Variants in MTHFSD observed in about 807,000 individuals in gnomAD.
The protein encoded by MTHFSD is methenyltetrahydrofolate synthetase domain containing.
MTHFSD carries 37 observed loss-of-function variants against 31.1 expected under a neutral mutation model. The ratio of observed to expected loss-of-function variants is 1.19; its 90% CI spans 0.91 to 1.56. The LOEUF (loss-of-function observed/expected upper bound fraction) is 1.56. MTHFSD is among the 40% of genes most tolerant of loss of function. MTHFSD has a pLI of 0.00. For synonymous variants in MTHFSD, 221 were observed against 206.9 expected, an observed-to-expected ratio of 1.07 and a Z score of -0.59; for missense variants, 664 against 510.1, an observed-to-expected ratio of 1.30 and a Z score of -2.91.
chr16:86,546,516 G>A, intron 5 of MTHFSD, 43 bp downstream of exon 5: 1 of 1,565,502 alleles, frequency 6.4e-7, no homozygotes, highest in Non-Finnish European at 8.8e-7. Context: ...GCCGCCTTCA[G>A]GCAGAGCTGT....
chr16:86,552,819 T>G (rs975621044), intron 2 of MTHFSD, among the ~76,000 whole-genome samples: 67 of 152,162 alleles, frequency 4.4e-4, no homozygotes, highest in African/African-American at 1.5e-3. Context: ...GTGGAGCTTG[T>G]TGTGGAGAAG....
At chr16:86,541,638 A>G in intron 7 of MTHFSD, 59 bp downstream of exon 7, 1 of 1,575,270 alleles carries the variant, frequency 6.3e-7, no homozygotes, top group South Asian at 1.2e-5. Context: ...GACAGAAAAC[A>G]CTTAAAAGAG....
intron 7 of MTHFSD, chr16:86,533,112 A>G (rs1188586632): frequency 6.6e-6 from 1 of 152,294 alleles, no homozygotes; most frequent in African/African-American, 2.4e-5. Flanking sequence ...CAAACTATGA[A>G]ATCAGTAACG....
intron 7 of MTHFSD, chr16:86,541,053 A>G (rs1340349323): frequency 2.4e-6 from 3 of 1,228,504 alleles, no homozygotes; most frequent in Non-Finnish European, 3.1e-6. Flanking sequence ...TGCTTATTTG[A>G]CCAGTAGTTT....
At chr16:86,554,564 A>G (rs973848056) in intron 2 of MTHFSD, 81 bp downstream of exon 2, 1 of 1,076,516 alleles carries the variant, frequency 9.3e-7, no homozygotes, top group African/African-American at 1.6e-5. Context: ...ACCATGACGC[A>G]GTAAGAGAAT....
rs796954742 is a variant in MTHFSD, at chr16:86,542,463, C to T, written c.443-250G>A. ...AACTACAATGACGTGAACACTGGAC[C>T]GTTCAAGCATGTCACAAAGGGAAAC... On this transcript the variant is annotated intron_variant, in intron 5 of 7. Transcript: ENST00000360900. The surrounding 1 kb of genome is among the most constrained non-coding windows in gnomAD (Gnocchi z 4.6). 9.2e-5 allele frequency: 42 copies of T among 456,384 alleles called. No homozygotes were observed. The highest frequency in any genetic ancestry group is 1.1e-3 in the Middle Eastern group (2 of 1,814). 28.3% of individuals were successfully genotyped at this position (456,384 alleles called of 1,614,324 possible). A position where few individuals can be genotyped will look rare whatever the true frequency, so the allele number is the denominator to read the frequency against.
At chr16:86,552,365 GC>G in intron 2 of MTHFSD, 1 of 1,327,046 alleles carries the variant, frequency 7.5e-7, no homozygotes, top group Non-Finnish European at 1.0e-6. Flanking sequence ...AAGCAGCTCG[GC>G]CCAGAATCTC....
intron 7 of MTHFSD, among the ~76,000 whole-genome samples, chr16:86,538,456 A>T (rs1319168372): frequency 2.0e-5 from 3 of 152,204 alleles, no homozygotes; most frequent in Non-Finnish European, 2.9e-5. Context: ...TCAGTGACTC[A>T]TAGGACACCA....
At chr16:86,537,023 G>C (rs1970793338) in intron 7 of MTHFSD, among the ~76,000 whole-genome samples, 1 of 152,148 alleles carries the variant, frequency 6.6e-6, no homozygotes, top group Non-Finnish European at 1.5e-5. Flanking sequence ...CTACTAACTG[G>C]GTACCCTGGG....
intron 2 of MTHFSD, chr16:86,552,426 C>A: frequency 1.4e-6 from 1 of 708,292 alleles, no homozygotes; most frequent in East Asian, 2.8e-5. Context: ...AGGAAGCAGT[C>A]TAAGTAAGGA....
chr16:86,554,912 C>A (rs374036051), intron 1 of MTHFSD, 161 bp from the exon 2 acceptor site: 2 of 1,085,810 alleles, frequency 1.8e-6, no homozygotes, highest in South Asian at 3.3e-5. Flanking sequence ...CCACGGGCTC[C>A]CCCACGTGCA....
At chr16:86,547,394 T>G in intron 4 of MTHFSD, 1 of 985,728 alleles carries the variant, frequency 1.0e-6, no homozygotes. Context: ...TCATTCGATG[T>G]GGCGGTGGGA....
intron 7 of MTHFSD, chr16:86,533,294 G>T (rs890966906): frequency 2.0e-5 from 3 of 152,282 alleles, no homozygotes; most frequent in Admixed American, 2.0e-4. Flanking sequence ...CTGTGGGGCA[G>T]TTTGCACTGG....
In MTHFSD at chr16:86,531,880, T is replaced by C. The variant is rs3829536; in HGVS notation, c.*131A>G. ...ACTGAGCGGTGACTTCTGAGAAGAA[T>C]TGAGACCCGAGCAGCTCAGGCGGTG... is the stretch of plus-strand genomic sequence containing the variant. On this transcript the variant is annotated 3_prime_UTR_variant, in exon 8 of 8. Transcript: ENST00000360900. This position sits in a 1 kb window ranked among gnomAD's most constrained non-coding sequence, Gnocchi z 5.5. The C allele has an allele frequency of 0.35, 197,235 of 556,904 alleles. 37,310 individuals carry two copies. Among genetic ancestry groups the C allele is most frequent in the East Asian group, 0.55 (15,979 of 29,280 alleles). The allele number at this position is 556,904 out of a possible 1,614,324, so 34.5% of individuals were successfully genotyped here.
chr16:86,539,180 A>G (rs1971131540), intron 7 of MTHFSD, among the ~76,000 whole-genome samples: 1 of 152,204 alleles, frequency 6.6e-6, no homozygotes, highest in African/African-American at 2.4e-5. Flanking sequence ...AAGCACCTGC[A>G]TGGTCACAGG....
chr16:86,541,510 A>G, intron 7 of MTHFSD, 187 bp downstream of exon 7: 1 of 799,606 alleles, frequency 1.3e-6, no homozygotes, highest in Admixed American at 2.8e-5. Flanking sequence ...CCAGAGATCC[A>G]TACGCAGATT....
chr16:86,537,121 C>T (rs1414641835), intron 7 of MTHFSD, among the ~76,000 whole-genome samples: 1 of 152,216 alleles, frequency 6.6e-6, no homozygotes, highest in Non-Finnish European at 1.5e-5. Context: ...AACAAATTTA[C>T]TATTTTTTTC....
At chr16:86,548,275 G>C (rs996941267) in intron 4 of MTHFSD, among the ~76,000 whole-genome samples, 189 bp downstream of exon 4, 24 of 152,224 alleles carry the variant, frequency 1.6e-4, no homozygotes, top group African/African-American at 5.5e-4. Context: ...TACAGAAATA[G>C]AATCTGTTTA....
intron 7 of MTHFSD, 117 bp from the exon 8 acceptor site, chr16:86,532,598 G>T (rs539407098): frequency 8.0e-5 from 62 of 777,434 alleles, no homozygotes; most frequent in Non-Finnish European, 1.1e-4. Flanking sequence ...GATGCCAAGT[G>T]GTCTGAGCCC....
Sources: gnomAD v4.1 joint callset for allele counts (sites outside exome capture counted in the v4.1 genomes callset) on GRCh38, gnomAD v4.1.1 for gene constraint, Gnocchi (gnomAD v3.1) non-coding constraint, MANE v1.5 for transcripts, NCBI Gene and HGNC (gene_info 2026-07-23, HGNC 2026-07-21) for gene names.